Variants in MAPK10 observed in about 807,000 individuals in gnomAD.
MAPK10 encodes JNK3 alpha protein kinase.
A neutral mutation model predicts 59.3 loss-of-function variants in MAPK10; 25 were observed. That is an observed-to-expected ratio of 0.42 (90% CI 0.31 to 0.59). MAPK10 has a LOEUF of 0.59. MAPK10 is among the 20% of genes least tolerant of loss of function. MAPK10 has a pLI of 0.15. For synonymous variants in MAPK10, 190 were observed against 200.5 expected (o/e 0.95, Z 0.44); for missense variants, 351 against 568.9 (o/e 0.62, Z 3.90).
intron 1 of MAPK10, among the ~76,000 whole-genome samples, chr4:86,552,479 G>A (rs1323286290): frequency 2.0e-4 from 11 of 55,072 alleles, no homozygotes; most frequent in Non-Finnish European, 4.3e-4. Context: ...GAGGGAGGGA[G>A]GGAGGGAGGG....
At chr4:86,086,495 T>A (rs1346329373) in intron 9 of MAPK10, among the ~76,000 whole-genome samples, 1 of 152,134 alleles carries the variant, frequency 6.6e-6, no homozygotes, top group Non-Finnish European at 1.5e-5. Context: ...CATGCCTGTA[T>A]CAAAACATCT....
intron 1 of MAPK10, among the ~76,000 whole-genome samples, chr4:86,376,972 A>G (rs1739918432): frequency 6.6e-6 from 1 of 152,206 alleles, no homozygotes; most frequent in Admixed American, 6.5e-5. Flanking sequence ...GCTCCAGAGT[A>G]GCCCATCAGA....
chr4:86,329,295 C>T (rs2096095422), intron 2 of MAPK10, among the ~76,000 whole-genome samples: 2 of 152,138 alleles, frequency 1.3e-5, no homozygotes, highest in East Asian at 3.8e-4. Context: ...GGTATGGTAA[C>T]CTTCTCCACA....
chr4:86,278,028 A>C (rs1397355145), intron 2 of MAPK10, among the ~76,000 whole-genome samples: 1 of 152,122 alleles, frequency 6.6e-6, no homozygotes, highest in Non-Finnish European at 1.5e-5. Flanking sequence ...TAAGTAAAAC[A>C]TACAAAAGAG....
chr4:86,353,399 T>C (rs376652754), intron 2 of MAPK10, among the ~76,000 whole-genome samples: 48 of 152,242 alleles, frequency 3.2e-4, no homozygotes, highest in African/African-American at 8.9e-4. Flanking sequence ...GGAGAGAACA[T>C]GGTATGCTTT....
intron 1 of MAPK10, among the ~76,000 whole-genome samples, chr4:86,550,391 A>AC (rs1759673829): frequency 1.0e-5 from 1 of 98,226 alleles, no homozygotes; most frequent in African/African-American, 3.4e-5. Context: ...AAAAAAAAAA[A>AC]AAAAAAAAAA....
At chr4:86,106,564 T>C (rs1188017546) in intron 5 of MAPK10, among the ~76,000 whole-genome samples, 1 of 151,616 alleles carries the variant, frequency 6.6e-6, no homozygotes, top group Non-Finnish European at 1.5e-5. Context: ...GAAAGAATTC[T>C]AGAGGTCTTG....
intron 1 of MAPK10, among the ~76,000 whole-genome samples, chr4:86,587,834 G>A (rs1762743735): frequency 6.6e-6 from 1 of 152,166 alleles, no homozygotes; most frequent in East Asian, 1.9e-4. Context: ...GAGAGATATA[G>A]ACCCCTTTGT....
At chr4:86,138,943 GA>G (rs1291260605) in intron 4 of MAPK10, among the ~76,000 whole-genome samples, 1 of 149,212 alleles carries the variant, frequency 6.7e-6, no homozygotes, top group Non-Finnish European at 1.5e-5. Flanking sequence ...TTGCTTCAAA[GA>G]GAATAAAATA....
Position 86,210,007 on chromosome 4 carries a change from C to G in MAPK10, c.-6-15600G>C, listed in dbSNP as rs116558072. Among the ~76,000 whole-genome samples the G allele has an allele frequency of 4.4e-3, 663 of 152,064 alleles. 5 individuals are homozygous for G. The highest frequency in any genetic ancestry group is 0.015 in the African/African-American group (637 of 41,494). ...GTGAACTCATTTTCAACAAAGCTGC[C>G]AAGAACATACATTGGGGAAAGAACA... is the stretch of plus-strand genomic sequence containing the variant. On this transcript the variant is annotated intron_variant, in intron 2 of 13. Coordinates refer to ENST00000641462, the MANE Select transcript of MAPK10 (RefSeq NM_138982.4).
chr4:86,086,216 G>A (rs1485488895), intron 9 of MAPK10, among the ~76,000 whole-genome samples: 2 of 151,974 alleles, frequency 1.3e-5, no homozygotes, highest in Admixed American at 6.6e-5. Flanking sequence ...TGAACTCATC[G>A]AGATAGACAG....
Position 86,555,509 on chromosome 4 carries a change from A to G in MAPK10, c.-263+38401T>C, listed in dbSNP as rs534161521. Among the ~76,000 whole-genome samples, 10 of 152,292 alleles carry G rather than the reference A, an allele frequency of 6.6e-5. No individual in the cohort carries two copies. In the South Asian group the frequency reaches 2.1e-3, roughly 32 times the overall value. The stretch of plus-strand genomic sequence containing the variant: ...TGGGGTGCCTAGCAGAATGTCTTGA[A>G]TATGGTTGAATAAATGCTTATTGGC... On this transcript the variant is annotated intron_variant, in intron 1 of 4. Transcript: ENST00000502302.
intron 2 of MAPK10, among the ~76,000 whole-genome samples, chr4:86,353,724 G>A (rs1732886757): frequency 6.6e-6 from 1 of 152,094 alleles, no homozygotes; most frequent in Non-Finnish European, 1.5e-5. Context: ...AGTTATATAA[G>A]CCACTAGGCA....
At chr4:86,069,565 A>C (rs528125718) in intron 9 of MAPK10, among the ~76,000 whole-genome samples, 6 of 152,228 alleles carry the variant, frequency 3.9e-5, no homozygotes, top group Admixed American at 3.3e-4. Context: ...AATACTATGG[A>C]TATAGGTAAG....
chr4:86,183,992 T>C (rs2149290308), intron 3 of MAPK10, among the ~76,000 whole-genome samples: 1 of 152,288 alleles, frequency 6.6e-6, no homozygotes, highest in East Asian at 1.9e-4. Context: ...GGGTTGTTTG[T>C]ATTTTTCTTG....
intron 2 of MAPK10, among the ~76,000 whole-genome samples, chr4:86,275,915 C>A (rs2094562404): frequency 6.6e-6 from 1 of 151,978 alleles, no homozygotes; most frequent in Non-Finnish European, 1.5e-5. Context: ...TATTTTACTT[C>A]TTTAAAGTCA....
chr4:86,373,761 G>A (rs1446470426), intron 1 of MAPK10, among the ~76,000 whole-genome samples: 1 of 152,176 alleles, frequency 6.6e-6, no homozygotes, highest in African/African-American at 2.4e-5. Context: ...AACAACAGAT[G>A]CTGGAGATGA....
intron 1 of MAPK10, among the ~76,000 whole-genome samples, chr4:86,477,832 C>A (rs150679676): frequency 0.018 from 2,714 of 152,262 alleles, 79 homozygotes; most frequent in African/African-American, 0.063. Context: ...TGTTCTGGAT[C>A]TCAAACATGT....
In MAPK10 at chr4:86,064,353, C is replaced by A; in HGVS notation, c.1023G>T (p.Val341=). ...QARDLLSKML[V]IDPAKRISVD... ...CTGATATTCTTTTTGCTGGGTCAAT[C>A]ACTAGCATCTTTGACAACAAGTCCC... is the stretch of plus-strand genomic sequence containing the variant. The change falls in exon 11 of 14, where the codon GTG becomes GTT. Residue 341 remains valine, a synonymous_variant. Coordinates refer to ENST00000641462, the MANE Select transcript of MAPK10 (RefSeq NM_138982.4). 4 of 1,614,056 alleles carry A rather than the reference C, an allele frequency of 2.5e-6. No individual in the cohort carries two copies. Among genetic ancestry groups the A allele is most frequent in the Non-Finnish European group, 3.4e-6 (4 of 1,179,908 alleles).
Sources: allele counts gnomAD v4.1 joint callset (sites outside exome capture counted in the v4.1 genomes callset), GRCh38; gene constraint gnomAD v4.1.1; transcripts MANE v1.5; gene names NCBI Gene and HGNC (gene_info 2026-07-23, HGNC 2026-07-21).